SCD5: variants seen among roughly 807,000 people sequenced by gnomAD.
SCD5 encodes the protein acyl-CoA-desaturase 4.
Under a neutral mutation model 30.4 loss-of-function variants are expected in SCD5, and 20 were observed. That is an observed-to-expected ratio of 0.66 (90% CI 0.46 to 0.96). The LOEUF is 0.96. Among genes scored for constraint, SCD5 ranks in the 40% least tolerant of loss-of-function variants. The probability of loss-of-function intolerance (pLI) is 0.00; values close to 1 mark genes in which losing one functional copy is unlikely to be tolerated. For synonymous variants in SCD5, 173 were observed against 176.4 expected (o/e 0.98, Z 0.16); for missense variants, 381 against 443.3 (o/e 0.86, Z 1.26).
At chr4:82,704,594 T>C (rs1401511367) in intron 2 of SCD5, among the ~76,000 whole-genome samples, 7 of 152,204 alleles carry the variant, frequency 4.6e-5, no homozygotes, top group Admixed American at 4.6e-4. Flanking sequence ...TTTTCATTGA[T>C]TTTATAACAA....
intron 2 of SCD5, among the ~76,000 whole-genome samples, chr4:82,702,578 C>CT (rs1289805839): frequency 6.6e-6 from 1 of 152,160 alleles, no homozygotes; most frequent in East Asian, 1.9e-4. Flanking sequence ...GAATACTGTT[C>CT]TTAATGCTCA....
intron 2 of SCD5, among the ~76,000 whole-genome samples, chr4:82,694,834 G>A (rs1041464928): frequency 6.6e-6 from 1 of 152,174 alleles, no homozygotes; most frequent in African/African-American, 2.4e-5. Context: ...GAAAATCCAT[G>A]CATTTAAGTG....
rs1727411978 is a variant in SCD5, at chr4:82,635,647, C to T, written c.802+944G>A. Among the ~76,000 whole-genome samples the T allele has an allele frequency of 5.6e-5, 8 of 143,864 alleles. No homozygotes were observed. The South Asian group carries it at 1.8e-3, about 32-fold the overall frequency. The allele number at this position is 143,864 out of a possible 152,430, so 94.4% of individuals were successfully genotyped here. A position where few individuals can be genotyped will look rare whatever the true frequency, so the allele number is the denominator to read the frequency against. On this transcript the variant is annotated intron_variant, in intron 4 of 4. Transcript: ENST00000319540. Reference sequence around the variant, plus strand: ...AAAAAAAAAAAAAAAAGCAACATCACGAAGGCTTGTTTCATACAAGCACTG... The same window carrying T: ...AAAAAAAAAAAAAAAAGCAACATCATGAAGGCTTGTTTCATACAAGCACTG...
intron 1 of SCD5, among the ~76,000 whole-genome samples, chr4:82,720,611 A>G (rs1720351098): frequency 1.3e-5 from 2 of 152,134 alleles, no homozygotes; most frequent in African/African-American, 4.8e-5. Flanking sequence ...ACCCTTCTGC[A>G]ATCCCCAATT....
intron 3 of SCD5, among the ~76,000 whole-genome samples, chr4:82,651,518 C>A (rs1247573638): frequency 5.9e-5 from 9 of 152,166 alleles, no homozygotes; most frequent in Admixed American, 5.9e-4. Flanking sequence ...ACAGTGTACA[C>A]TGCTTGGGTG....
chr4:82,704,127 G>C (rs925811827), intron 2 of SCD5, among the ~76,000 whole-genome samples: 2 of 152,170 alleles, frequency 1.3e-5, no homozygotes, highest in African/African-American at 4.8e-5. Flanking sequence ...CTTATGAAAA[G>C]TCAAACTGTG....
intron 3 of SCD5, among the ~76,000 whole-genome samples, chr4:82,641,125 C>T (rs1379912871): frequency 2.6e-5 from 4 of 151,954 alleles, no homozygotes; most frequent in Admixed American, 2.0e-4. Context: ...CGTGGTGGCT[C>T]ATGCCTATAA....
chr4:82,685,702 ACT>A (rs1264430570), intron 2 of SCD5, among the ~76,000 whole-genome samples: 1 of 151,458 alleles, frequency 6.6e-6, no homozygotes, highest in East Asian at 1.9e-4. Context: ...ACAGAGCAAG[ACT>A]CTGTCTCAAA....
At chr4:82,716,064 GA>G (rs33954608) in intron 1 of SCD5, among the ~76,000 whole-genome samples, 1 of 151,740 alleles carries the variant, frequency 6.6e-6, no homozygotes, top group Non-Finnish European at 1.5e-5. Context: ...AAGCCCTTGA[GA>G]AAAAACTATT....
At chr4:82,793,402 A>T (rs1397805384) in intron 1 of SCD5, among the ~76,000 whole-genome samples, 1 of 152,234 alleles carries the variant, frequency 6.6e-6, no homozygotes, top group Admixed American at 6.5e-5. Flanking sequence ...AACAGGAGGA[A>T]GATGGAATGA....
intron 3 of SCD5, among the ~76,000 whole-genome samples, chr4:82,663,657 T>C (rs934859300): frequency 2.6e-5 from 4 of 152,222 alleles, no homozygotes; most frequent in Admixed American, 1.3e-4. Context: ...AATGGAACAC[T>C]AGGCATAAAT....
chr4:82,721,870 C>T lies in SCD5; in HGVS notation c.233-16457G>A, dbSNP rs142789098. 2.3e-3 allele frequency among the ~76,000 whole-genome samples: 356 copies of T among 152,316 alleles called. 1 individual carries two copies. The highest frequency in any genetic ancestry group is 8.0e-3 in the African/African-American group (333 of 41,568). ...TGAAAGGATTTGGGAGAAGTATCAC[C>T]TCTTAAATTGCTTCCTAACTGCAAA... On this transcript the variant is annotated intron_variant, in intron 1 of 4. Coordinates refer to ENST00000319540, the MANE Select transcript of SCD5 (RefSeq NM_001037582.3).
intron 3 of SCD5, among the ~76,000 whole-genome samples, chr4:82,655,197 A>T (rs551989928): frequency 7.9e-5 from 12 of 152,360 alleles, no homozygotes; most frequent in African/African-American, 2.9e-4. Flanking sequence ...CAATTAAATT[A>T]CAAGATATAT....
At chr4:82,750,415 T>C (rs1419065807) in intron 1 of SCD5, among the ~76,000 whole-genome samples, 3 of 152,132 alleles carry the variant, frequency 2.0e-5, no homozygotes, top group Non-Finnish European at 4.4e-5. Flanking sequence ...TCTTCACACA[T>C]GCAAGAAGTA....
intron 1 of SCD5, among the ~76,000 whole-genome samples, chr4:82,755,580 C>A (rs1255014396): frequency 6.6e-6 from 1 of 152,110 alleles, no homozygotes; most frequent in African/African-American, 2.4e-5. Flanking sequence ...AGTAGTGGAA[C>A]CTGTCCAACA....
At chr4:82,753,053 C>T (rs796204841) in intron 1 of SCD5, among the ~76,000 whole-genome samples, 16 of 152,296 alleles carry the variant, frequency 1.1e-4, no homozygotes, top group African/African-American at 3.4e-4. Flanking sequence ...CCCACACCAT[C>T]AGTTTGCCCA....
chr4:82,656,884 C>T (rs1727877675), intron 3 of SCD5, among the ~76,000 whole-genome samples: 1 of 152,070 alleles, frequency 6.6e-6, no homozygotes, highest in African/African-American at 2.4e-5. Flanking sequence ...TGTTTGTTGC[C>T]CTCATAAATG....
At chr4:82,682,382 C>CT (rs1198920400) in intron 2 of SCD5, among the ~76,000 whole-genome samples, 9 of 54,594 alleles carry the variant, frequency 1.6e-4, no homozygotes, top group Non-Finnish European at 2.6e-4. Flanking sequence ...GATCTACAGA[C>CT]GTTTTTTTAC....
At chr4:82,741,604 T>C (rs751139982) in intron 1 of SCD5, among the ~76,000 whole-genome samples, 1 of 152,112 alleles carries the variant, frequency 6.6e-6, no homozygotes, top group Non-Finnish European at 1.5e-5. Flanking sequence ...TTCTGGCTGG[T>C]AGGCAGCAAT....
Sources: allele counts gnomAD v4.1 joint callset (sites outside exome capture counted in the v4.1 genomes callset), GRCh38; gene constraint gnomAD v4.1.1; transcripts MANE v1.5; gene names NCBI Gene and HGNC (gene_info 2026-07-23, HGNC 2026-07-21).